The following ERBB2 variants were observed in gnomAD, a reference collection of about 807,000 sequenced individuals.
The protein encoded by ERBB2 is receptor tyrosine-protein kinase erbB-2.
A neutral mutation model predicts 149.0 loss-of-function variants in ERBB2; 61 were observed. The ratio of observed to expected loss-of-function variants is 0.41; its 90% CI spans 0.33 to 0.51. The LOEUF (loss-of-function observed/expected upper bound fraction) is 0.51. Ranked by LOEUF, ERBB2 falls within the 20% of genes least tolerant of loss-of-function variation. ERBB2 has a pLI of 0.25. For synonymous variants in ERBB2, 633 were observed against 678.8 expected (o/e 0.93, Z 1.05); for missense variants, 1,205 against 1,655.1 (o/e 0.73, Z 4.72).
rs2145266472 is a variant in ERBB2, at chr17:39,700,229, A to G, written c.-10A>G. 2 of 1,442,478 alleles carry G rather than the reference A, an allele frequency of 1.4e-6. No individual in the cohort carries two copies. 89.4% of individuals were successfully genotyped at this position (1,442,478 alleles called of 1,614,324 possible). ...GCCGGAGCCATGGGGCCGGAGCCGCAGTGAGCACCATGGAGCTGGCGGCCT... is the reference window on the plus strand; with the variant it reads ...GCCGGAGCCATGGGGCCGGAGCCGCGGTGAGCACCATGGAGCTGGCGGCCT... On this transcript the variant is annotated 5_prime_UTR_variant, in exon 1 of 27. Coordinates refer to ENST00000269571, the MANE Select transcript of ERBB2 (RefSeq NM_004448.4).
chr17:39,695,786 C>T (rs976780998), upstream of ERBB2, among the ~76,000 whole-genome samples: 1 of 150,856 alleles, frequency 6.6e-6, no homozygotes, highest in African/African-American at 2.4e-5. Context: ...GTCTCCATGG[C>T]TGGTCAATGA....
intron 15 of ERBB2, among the ~76,000 whole-genome samples, chr17:39,717,821 ATATG>A (rs2059229025): frequency 6.6e-6 from 1 of 151,336 alleles, no homozygotes; most frequent in South Asian, 2.1e-4. Flanking sequence ...ACACACACAC[ATATG>A]TATTTTTAGA....
upstream of ERBB2, among the ~76,000 whole-genome samples, chr17:39,691,957 A>ATATATATATATATATATCTC (rs964668266): frequency 2.1e-5 from 3 of 145,370 alleles, no homozygotes; most frequent in African/African-American, 5.1e-5. Context: ...ATATATATAT[A>ATATATATATATATATATCTC]TCTCTTGTGT....
chr17:39,712,185 C>T (rs1398457555), intron 8 of ERBB2, 137 bp from the exon 9 acceptor site: 3 of 1,518,700 alleles, frequency 2.0e-6, no homozygotes, highest in Admixed American at 1.8e-5. Context: ...ACCCCTGGCC[C>T]CCCTCAGCCC....
At chr17:39,710,007 G>A in intron 5 of ERBB2, 79 bp from the exon 6 acceptor site, 2 of 1,506,250 alleles carry the variant, frequency 1.3e-6, no homozygotes, top group Non-Finnish European at 1.8e-6. Context: ...GGGCCAGGTA[G>A]TCTCCCTAGA....
chr17:39,698,260 ATTT>A (rs200013520), upstream of ERBB2, among the ~76,000 whole-genome samples: 1 of 140,222 alleles, frequency 7.1e-6, no homozygotes, highest in Non-Finnish European at 1.6e-5. Context: ...TAGAGTCAAG[ATTT>A]TTTTTTTTTT....
At chr17:39,699,709 A>G, upstream of ERBB2, 1 of 726,030 alleles carries the variant, frequency 1.4e-6, no homozygotes, top group African/African-American at 1.8e-5. Flanking sequence ...TCCCCAGGAA[A>G]GTTTAAGATA....
intron 1 of ERBB2, among the ~76,000 whole-genome samples, chr17:39,705,482 G>C (rs1252107043): frequency 1.3e-5 from 2 of 152,178 alleles, no homozygotes; most frequent in Non-Finnish European, 2.9e-5. Flanking sequence ...AAGAGGAGGG[G>C]GTGCAAGTGG....
At chr17:39,697,341 G>GTTGTTT (rs2057886106), upstream of ERBB2, among the ~76,000 whole-genome samples, 6 of 137,810 alleles carry the variant, frequency 4.4e-5, no homozygotes, top group African/African-American at 1.7e-4. Context: ...TGCTAGGGTT[G>GTTGTTT]TTTTTTTGTT....
chr17:39,695,724 C>CACACACACACACACAT (rs1235766071), upstream of ERBB2, among the ~76,000 whole-genome samples: 2 of 149,720 alleles, frequency 1.3e-5, no homozygotes, highest in African/African-American at 4.9e-5. Flanking sequence ...CACACACACA[C>CACACACACACACACAT]ACACACACAC....
Position 39,711,793 on chromosome 17 carries a change from T to G in ERBB2, c.902-135T>G. ...CTGGTTGTTGTGAGGGGTAAATGGA[T>G]GTCAGGTGCTGATGCGTGGTAGGGC... On this transcript the variant is annotated intron_variant, in intron 7 of 26. Transcript: ENST00000269571. 3.0e-6 allele frequency: 3 copies of G among 1,006,470 alleles called. No individual in the cohort carries two copies. In the South Asian group the frequency reaches 4.3e-5, roughly 15 times the overall value. The allele number at this position is 1,006,470 out of a possible 1,614,324, so 62.3% of individuals were successfully genotyped here.
intron 19 of ERBB2, among the ~76,000 whole-genome samples, chr17:39,724,288 T>TTTTTTTTTTTA (rs1567912499): frequency 6.9e-6 from 1 of 144,104 alleles, no homozygotes. Flanking sequence ...TTTTTTTTTT[T>TTTTTTTTTTTA]GAGACAGAGT....
In ERBB2 at chr17:39,723,828, T is replaced by C; in HGVS notation, c.2209-84T>C. 1 of 1,502,044 alleles carries C rather than the reference T, an allele frequency of 6.7e-7. No homozygotes were observed. The highest frequency in any genetic ancestry group is 9.2e-7 in the Non-Finnish European group (1 of 1,086,100). 93.0% of individuals were successfully genotyped at this position (1,502,044 alleles called of 1,614,324 possible). A position where few individuals can be genotyped will look rare whatever the true frequency, so the allele number is the denominator to read the frequency against. On this transcript the variant is annotated intron_variant, in intron 18 of 26. Transcript: ENST00000269571. This position sits in a 1 kb window ranked among gnomAD's most constrained non-coding sequence, Gnocchi z 6.2. ...CAAGCCCTAGGGTGGTGAAGGATGT[T>C]TGGAGGACAAGTAATGATCTCCTGG...
chr17:39,706,862 G>A (rs1267601264), intron 1 of ERBB2, 128 bp from the exon 2 acceptor site: 7 of 872,608 alleles, frequency 8.0e-6, no homozygotes, highest in Admixed American at 3.3e-5. Context: ...GGACATGGGC[G>A]GAGGGGTCCT....
In ERBB2 at chr17:39,719,909, G is replaced by C. The variant is rs375230616; in HGVS notation, c.1946+75G>C. 510 of 1,439,304 alleles carry C rather than the reference G, an allele frequency of 3.5e-4. 5 individuals carry two copies. The African/African-American group carries it at 6.3e-3, about 18-fold the overall frequency. The allele number at this position is 1,439,304 out of a possible 1,614,324, so 89.2% of individuals were successfully genotyped here. A position where few individuals can be genotyped will look rare whatever the true frequency, so the allele number is the denominator to read the frequency against. On this transcript the variant is annotated intron_variant, in intron 16 of 26. Coordinates refer to ENST00000269571, the MANE Select transcript of ERBB2 (RefSeq NM_004448.4). ...TGGATGCTGGGTGGTCACTGCTGTA[G>C]GGAGGGGACCCCCTGACATATGTCC... is the stretch of plus-strand genomic sequence containing the variant.
chr17:39,698,362 C>T (rs989933244), upstream of ERBB2, among the ~76,000 whole-genome samples: 1 of 151,808 alleles, frequency 6.6e-6, no homozygotes, highest in African/African-American at 2.4e-5. Context: ...CAGGTTCACG[C>T]CATTCTCCTG....
Position 39,712,031 on chromosome 17 carries a change from C to T in ERBB2, c.1005C>T (p.Ser335=), listed in dbSNP as rs1050411247. The T allele has an allele frequency of 1.2e-6, 2 of 1,614,042 alleles. No homozygotes were observed. Among genetic ancestry groups the T allele is most frequent in the East Asian group, 4.5e-5 (2 of 44,890 alleles). ...GAACACAGCGGTGTGAGAAGTGCAGCAAGCCCTGTGCCCGAGGTACCCACT... is the reference window on the plus strand; with the variant it reads ...GAACACAGCGGTGTGAGAAGTGCAGTAAGCCCTGTGCCCGAGGTACCCACT... The part of the protein sequence containing the change: ...EDGTQRCEKC[S]KPCARVCYGL... The change falls in exon 8 of 27, where the codon AGC becomes AGT. Residue 335 remains serine (S), a synonymous_variant. Coordinates refer to ENST00000269571, the MANE Select transcript of ERBB2 (RefSeq NM_004448.4).
upstream of ERBB2, among the ~76,000 whole-genome samples, chr17:39,698,604 G>T (rs1379181086): frequency 1.4e-5 from 2 of 144,156 alleles, no homozygotes; most frequent in Non-Finnish European, 3.2e-5. Context: ...AGAGGCCCCT[G>T]TTTCTCAACT....
upstream of ERBB2, among the ~76,000 whole-genome samples, chr17:39,697,798 ATTCTC>A (rs1358072320): frequency 1.3e-5 from 2 of 151,636 alleles, no homozygotes; most frequent in African/African-American, 4.9e-5. Flanking sequence ...AGTTCAAGCA[ATTCTC>A]CTGCCTCAGC....
Sources: gnomAD v4.1 joint callset for allele counts (sites outside exome capture counted in the v4.1 genomes callset) on GRCh38, gnomAD v4.1.1 for gene constraint, Gnocchi (gnomAD v3.1) non-coding constraint, MANE v1.5 for transcripts, NCBI Gene and HGNC (gene_info 2026-07-23, HGNC 2026-07-21) for gene names.